The following MBD5 variants were observed in gnomAD, a reference collection of about 807,000 sequenced individuals.
MBD5 encodes the protein methyl-CpG-binding domain protein 5.
Under a neutral mutation model 117.3 loss-of-function variants are expected in MBD5, and 13 were observed. The ratio of observed to expected loss-of-function variants is 0.11; its 90% confidence interval spans 0.07 to 0.18. MBD5 has a LOEUF of 0.18. Among genes scored for constraint, MBD5 ranks in the 10% least tolerant of loss-of-function variants. The pLI, the probability that MBD5 is intolerant of heterozygous loss-of-function variation, is 1.00. For synonymous variants in MBD5, 727 were observed against 766.4 expected (o/e 0.95, Z 0.85); for missense variants, 1,879 against 2,093.8 (o/e 0.90, Z 2.00).
At chr2:148,308,487 C>CTT (rs1701948279) in intron 3 of MBD5, among the ~76,000 whole-genome samples, 13 of 27,688 alleles carry the variant, frequency 4.7e-4, no homozygotes, top group African/African-American at 9.5e-4. Context: ...TGATGGGGTT[C>CTT]TTTCTTTTTT....
chr2:148,323,100 G>T (rs1383332701), intron 3 of MBD5, among the ~76,000 whole-genome samples: 2 of 151,476 alleles, frequency 1.3e-5, no homozygotes, highest in East Asian at 3.9e-4. Flanking sequence ...GCGGTGTTTG[G>T]TTTTTTGTTC....
At position 148,108,758 on chromosome 2, in the gene MBD5, C is replaced by G. The variant is rs16828255; in HGVS notation, c.-924-69942C>G. The stretch of plus-strand genomic sequence containing the variant: ...GGTATTTTAATTGTTTTAAGTGGTA[C>G]TCATGTTACAGGACATAGAAGTCTA... On this transcript the variant is annotated intron_variant, in intron 1 of 13. Coordinates refer to ENST00000642680, the MANE Select transcript of MBD5 (RefSeq NM_001378120.1). 7.2e-3 allele frequency among the ~76,000 whole-genome samples: 1,095 copies of G among 152,108 alleles called. 11 individuals carry two copies. The highest frequency in any genetic ancestry group is 0.025 in the African/African-American group (1,021 of 41,490).
At chr2:148,344,283 G>C (rs1032362057) in intron 4 of MBD5, among the ~76,000 whole-genome samples, 1 of 151,878 alleles carries the variant, frequency 6.6e-6, no homozygotes, top group Non-Finnish European at 1.5e-5. Flanking sequence ...CTTTGGATTT[G>C]CGTTGTCTCT....
intron 2 of MBD5, among the ~76,000 whole-genome samples, chr2:148,200,219 A>C (rs534728139): frequency 6.7e-6 from 1 of 149,296 alleles, no homozygotes; most frequent in African/African-American, 2.5e-5. Flanking sequence ...TTTCTAATGC[A>C]TATGTAATCT....
At chr2:148,439,341 C>T (rs1011516306) in intron 4 of MBD5, among the ~76,000 whole-genome samples, 3 of 152,112 alleles carry the variant, frequency 2.0e-5, no homozygotes, top group African/African-American at 7.2e-5. Context: ...GATGTAGGGA[C>T]ATCTTTCTGC....
intron 4 of MBD5, among the ~76,000 whole-genome samples, chr2:148,372,654 A>G (rs1703886778): frequency 6.6e-6 from 1 of 152,040 alleles, no homozygotes; most frequent in Non-Finnish European, 1.5e-5. Context: ...GCCTTGGACA[A>G]AGAGGGAGAT....
intron 1 of MBD5, among the ~76,000 whole-genome samples, chr2:148,148,286 T>G (rs1221549641): frequency 2.0e-5 from 3 of 152,176 alleles, no homozygotes; most frequent in African/African-American, 7.2e-5. Flanking sequence ...ATTTAAAAAC[T>G]GTTCTAACCT....
chr2:148,381,692 T>G (rs1262022919), intron 4 of MBD5, among the ~76,000 whole-genome samples: 1 of 152,158 alleles, frequency 6.6e-6, no homozygotes, highest in Non-Finnish European at 1.5e-5. Flanking sequence ...GAAAAAATGT[T>G]AAGGGCAGCC....
intron 4 of MBD5, among the ~76,000 whole-genome samples, chr2:148,426,634 C>T (rs990240239): frequency 6.6e-6 from 1 of 152,056 alleles, no homozygotes; most frequent in African/African-American, 2.4e-5. Context: ...TTCCTTACAC[C>T]TTATACAAAA....
intron 4 of MBD5, among the ~76,000 whole-genome samples, chr2:148,435,381 G>A (rs1420779241): frequency 6.6e-6 from 1 of 152,100 alleles, no homozygotes; most frequent in Non-Finnish European, 1.5e-5. Context: ...TTTTTGGAAT[G>A]GCTGGTAACA....
At chr2:148,238,063 C>T (rs1439460270) in intron 3 of MBD5, among the ~76,000 whole-genome samples, 1 of 152,120 alleles carries the variant, frequency 6.6e-6, no homozygotes, top group African/African-American at 2.4e-5. Flanking sequence ...TCCCACTCTG[C>T]AAAATAATTG....
chr2:148,416,231 G>A (rs1451925627), intron 4 of MBD5, among the ~76,000 whole-genome samples: 1 of 152,136 alleles, frequency 6.6e-6, no homozygotes, highest in Non-Finnish European at 1.5e-5. Flanking sequence ...GGGGACCAAG[G>A]CTCAGCTCAG....
chr2:148,324,425 G>A (rs1218745646), intron 3 of MBD5, among the ~76,000 whole-genome samples: 1 of 152,248 alleles, frequency 6.6e-6, no homozygotes, highest in Non-Finnish European at 1.5e-5. Flanking sequence ...AATTACCTTG[G>A]GCAGTATGGC....
intron 3 of MBD5, among the ~76,000 whole-genome samples, chr2:148,253,817 C>A (rs1700521169): frequency 6.6e-6 from 1 of 152,188 alleles, no homozygotes; most frequent in Non-Finnish European, 1.5e-5. Context: ...ACAATAGTGG[C>A]TCCAAGCCAA....
At chr2:148,117,133 C>A (rs116577221) in intron 1 of MBD5, among the ~76,000 whole-genome samples, 1,877 of 152,034 alleles carry the variant, frequency 0.012, 44 homozygotes, top group African/African-American at 0.043. Flanking sequence ...AAATAATTTT[C>A]CATAATACCA....
intron 3 of MBD5, among the ~76,000 whole-genome samples, chr2:148,329,015 A>G (rs539863284): frequency 9.7e-4 from 148 of 152,352 alleles, no homozygotes; most frequent in African/African-American, 3.4e-3. Context: ...GAGAAAATGT[A>G]TACATACATG....
chr2:148,090,186 A>C (rs2105224127), intron 1 of MBD5, among the ~76,000 whole-genome samples: 1 of 152,196 alleles, frequency 6.6e-6, no homozygotes, highest in Non-Finnish European at 1.5e-5. Context: ...AGATTGAAAC[A>C]GTAATTTAAA....
rs1183869714 is a variant in MBD5, at chr2:148,485,560, A to C, written c.3545-182A>C. 5.0e-6 allele frequency: 3 copies of C among 603,704 alleles called. 1 individual carries two copies. Among genetic ancestry groups the C allele is most frequent in the Non-Finnish European group, 8.7e-6 (3 of 343,760 alleles). The allele number at this position is 603,704 out of a possible 1,614,324, so 37.4% of individuals were successfully genotyped here. On this transcript the variant is annotated intron_variant, in intron 9 of 13. Coordinates refer to ENST00000642680, the MANE Select transcript of MBD5 (RefSeq NM_001378120.1). ...TTAAAAAACTAATTATACAAGATAA[A>C]ACTAAATAATAAAGCTACTCTTTCC...
intron 4 of MBD5, among the ~76,000 whole-genome samples, chr2:148,403,379 C>T (rs576318564): frequency 8.5e-5 from 13 of 152,134 alleles, no homozygotes; most frequent in Non-Finnish European, 1.8e-4. Flanking sequence ...GGGGTTTCAC[C>T]ATGTTGGCCA....
Sources: allele counts gnomAD v4.1 joint callset (sites outside exome capture counted in the v4.1 genomes callset), GRCh38; gene constraint gnomAD v4.1.1; transcripts MANE v1.5; gene names NCBI Gene and HGNC (gene_info 2026-07-23, HGNC 2026-07-21).